Variants in CCDC171 observed in about 807,000 individuals in gnomAD.
The protein encoded by CCDC171 is coiled-coil domain-containing protein 171.
In CCDC171, 177 loss-of-function variants were observed where a neutral mutation model predicts 168.2. That is an observed-to-expected ratio of 1.05 (90% CI 0.93 to 1.19). CCDC171 has a LOEUF of 1.19. CCDC171 is among the 50% of genes most tolerant of loss of function. The probability of loss-of-function intolerance (pLI) is 0.00; values close to 1 mark genes in which losing one functional copy is unlikely to be tolerated. For missense variants in CCDC171, 1,991 were observed against 1,539.0 expected (o/e 1.29, Z -4.91); for synonymous variants, 687 against 540.8 (o/e 1.27, Z -3.75).
chr9:15,590,549 G>A (rs1052189975), intron 4 of CCDC171, among the ~76,000 whole-genome samples: 1 of 152,146 alleles, frequency 6.6e-6, no homozygotes, highest in Non-Finnish European at 1.5e-5. Flanking sequence ...TGAGGTAATC[G>A]GGTAGGAGGT....
intron 2 of CCDC171, among the ~76,000 whole-genome samples, chr9:15,571,257 A>G (rs1300379903): frequency 6.6e-6 from 1 of 152,010 alleles, no homozygotes; most frequent in East Asian, 1.9e-4. Flanking sequence ...TTCTTTTTGT[A>G]TTATGTATTA....
At chr9:16,038,205 A>T (rs1240104365), upstream of CCDC171, among the ~76,000 whole-genome samples, 1 of 152,144 alleles carries the variant, frequency 6.6e-6, no homozygotes, top group Admixed American at 6.5e-5. Flanking sequence ...TCAACAACAC[A>T]TATAAAATTA....
At chr9:16,072,970 AGGAGACT>A in the CCDC171 span, among the ~76,000 whole-genome samples, 3 of 152,244 alleles carry the variant, frequency 2.0e-5, no homozygotes, top group South Asian at 6.2e-4. Flanking sequence ...AAGAGATATC[AGGAGACT>A]CAGGATTAAT....
chr9:16,060,715 A>G (rs1343537270), exon 2 of CCDC171: 8 of 152,234 alleles, frequency 5.3e-5, no homozygotes, highest in African/African-American at 1.9e-4. Context: ...CTTTGTGAAG[A>G]AGGAAGTAAA....
chr9:15,597,516 G>T (rs892360362), intron 6 of CCDC171, among the ~76,000 whole-genome samples: 2 of 152,152 alleles, frequency 1.3e-5, no homozygotes, highest in Non-Finnish European at 2.9e-5. Context: ...TGGTGGATAA[G>T]CTTTTTGGTG....
intron 4 of CCDC171, among the ~76,000 whole-genome samples, chr9:15,580,896 C>T (rs1414855645): frequency 1.3e-5 from 2 of 152,264 alleles, no homozygotes; most frequent in African/African-American, 4.8e-5. Flanking sequence ...TCTCTCACCA[C>T]TCCTAGTCAA....
intron 25 of CCDC171, among the ~76,000 whole-genome samples, chr9:15,927,357 C>T (rs1319029691): frequency 6.6e-6 from 1 of 151,614 alleles, no homozygotes; most frequent in Non-Finnish European, 1.5e-5. Flanking sequence ...GAGAACAGTA[C>T]AGCAGTCAGA....
At chr9:15,671,421 C>G (rs1268729234) in intron 9 of CCDC171, among the ~76,000 whole-genome samples, 1 of 151,800 alleles carries the variant, frequency 6.6e-6, no homozygotes, top group African/African-American at 2.4e-5. Context: ...CATAGGTATA[C>G]ATGTGCCACG....
At chr9:16,072,564 C>T in the CCDC171 span, among the ~76,000 whole-genome samples, 2 of 152,130 alleles carry the variant, frequency 1.3e-5, no homozygotes, top group Admixed American at 6.5e-5. Context: ...TCATATCTAG[C>T]TGTGGGATGA....
intron 11 of CCDC171, among the ~76,000 whole-genome samples, chr9:15,719,752 C>T (rs1428616950): frequency 6.6e-6 from 1 of 152,118 alleles, no homozygotes; most frequent in Non-Finnish European, 1.5e-5. Context: ...TGATTTTATT[C>T]TTCTGAATTT....
chr9:16,014,635 C>A (rs1478721797), intron 3 of CCDC171, among the ~76,000 whole-genome samples: 1 of 152,108 alleles, frequency 6.6e-6, no homozygotes, highest in African/African-American at 2.4e-5. Flanking sequence ...TACTCCTAAT[C>A]CATGGGCTGC....
intron 25 of CCDC171, among the ~76,000 whole-genome samples, chr9:15,939,111 A>T (rs891059884): frequency 2.0e-5 from 3 of 151,366 alleles, no homozygotes; most frequent in Non-Finnish European, 4.4e-5. Context: ...TTGAGAAAAG[A>T]AAATGGCCCA....
chr9:16,059,581 C>T (rs949162217), intron 1 of CCDC171, among the ~76,000 whole-genome samples: 11 of 136,158 alleles, frequency 8.1e-5, no homozygotes, highest in South Asian at 2.6e-4. Flanking sequence ...GTGGCGCAAT[C>T]TCGGCTCACT....
intron 8 of CCDC171, among the ~76,000 whole-genome samples, chr9:16,037,312 G>T (rs1416378444): frequency 1.3e-5 from 2 of 152,156 alleles, no homozygotes; most frequent in Non-Finnish European, 2.9e-5. Context: ...GAATAAATGT[G>T]ATTCTAGGCC....
At chr9:15,897,649 TC>T (rs1462009006) in intron 24 of CCDC171, among the ~76,000 whole-genome samples, 13 of 152,110 alleles carry the variant, frequency 8.5e-5, no homozygotes, top group Non-Finnish European at 1.8e-4. Context: ...ATAGCAAAAT[TC>T]AAAAGGGGTT....
chr9:15,827,869 G>C (rs1323923665), intron 21 of CCDC171, among the ~76,000 whole-genome samples: 5 of 152,096 alleles, frequency 3.3e-5, no homozygotes, highest in Non-Finnish European at 5.9e-5. Context: ...ACTCATGTTA[G>C]AATTCTCCAT....
At chr9:15,607,655 G>A (rs2043325536) in intron 6 of CCDC171, among the ~76,000 whole-genome samples, 1 of 151,978 alleles carries the variant, frequency 6.6e-6, no homozygotes, top group Non-Finnish European at 1.5e-5. Context: ...TAGAGACGGG[G>A]TTTCGCCATG....
upstream of CCDC171, among the ~76,000 whole-genome samples, chr9:16,038,866 CAA>C (rs375463651): frequency 7.9e-5 from 4 of 50,420 alleles, no homozygotes; most frequent in African/African-American, 7.7e-5. Context: ...CCTATCAGGC[CAA>C]AAAAAAAAAA....
intron 25 of CCDC171, among the ~76,000 whole-genome samples, chr9:15,945,846 T>A (rs1828296689): frequency 6.6e-6 from 1 of 151,544 alleles, no homozygotes; most frequent in African/African-American, 2.4e-5. Flanking sequence ...TTCACTCTGA[T>A]GGTAGTTTCT....
Sources: allele counts gnomAD v4.1 joint callset (sites outside exome capture counted in the v4.1 genomes callset), GRCh38; gene constraint gnomAD v4.1.1; transcripts MANE v1.5; gene names NCBI Gene and HGNC (gene_info 2026-07-23, HGNC 2026-07-21).